TSPAN3: variants seen among roughly 807,000 people sequenced by gnomAD.
TSPAN3 encodes tetraspanin 3, also known as tetraspanin-3.
Under a neutral mutation model 31.1 loss-of-function variants are expected in TSPAN3, and 9 were observed. The ratio of observed to expected loss-of-function variants is 0.29; its 90% CI spans 0.17 to 0.50. The LOEUF (loss-of-function observed/expected upper bound fraction) is 0.50. Ranked by LOEUF, TSPAN3 falls within the 20% of genes least tolerant of loss-of-function variation. The pLI is 0.98. For synonymous variants in TSPAN3, 129 were observed against 114.3 expected, an observed-to-expected ratio of 1.13 and a Z score of -0.82; for missense variants, 252 against 313.5, an observed-to-expected ratio of 0.80 and a Z score of 1.48.
At chr15:77,066,950 C>T (rs1205620064) in intron 1 of TSPAN3, among the ~76,000 whole-genome samples, 8 of 152,042 alleles carry the variant, frequency 5.3e-5, no homozygotes, top group African/African-American at 1.9e-4. Context: ...TGAGGTGGCC[C>T]AGGACATCAC....
chr15:77,055,472 T>C (rs1047233194), intron 3 of TSPAN3: 2 of 209,870 alleles, frequency 9.5e-6, no homozygotes, highest in Non-Finnish European at 1.9e-5. Flanking sequence ...AAAGCAGAAA[T>C]CAGAAAATTA....
chr15:77,041,496 T>TGCCTCA lies in TSPAN3; in HGVS notation c.*5333_*5338dup. 1 of 151,786 alleles carries TGCCTCA rather than the reference T, an allele frequency of 6.6e-6. No homozygotes were observed. Among genetic ancestry groups the TGCCTCA allele is most frequent in the East Asian group, 1.9e-4 (1 of 5,148 alleles). The allele number at this position is 151,786 out of a possible 1,614,324, so 9.4% of individuals were successfully genotyped here. On this transcript the variant is annotated 3_prime_UTR_variant, in exon 7 of 7. Transcript: ENST00000267970. ...TGCCTCCCGGTTCAAGCGATTCTCC[T>TGCCTCA]GCCTCAGCCTCCCAAGTAGCTGGGA...
At chr15:77,055,085 A>G (rs548107752) in intron 3 of TSPAN3, 1 of 152,236 alleles carries the variant, frequency 6.6e-6, no homozygotes, top group South Asian at 2.1e-4. Context: ...CTGAAAATTA[A>G]CTTGGCATAT....
chr15:77,055,941 T>C (rs1443085860), intron 2 of TSPAN3, 78 bp from the exon 3 acceptor site: 3 of 1,527,902 alleles, frequency 2.0e-6, no homozygotes, highest in Non-Finnish European at 2.6e-6. Context: ...AAAAAAGTTA[T>C]CAGAGATAAT....
rs370870576 is a variant in TSPAN3 at position 77,070,983 on chromosome 15, C to T, written c.-29G>A. The T allele has an allele frequency of 1.4e-6, 2 of 1,411,044 alleles. No individual in the cohort carries two copies. Among genetic ancestry groups the T allele is most frequent in the Non-Finnish European group, 1.9e-6 (2 of 1,074,070 alleles). The allele number at this position is 1,411,044 out of a possible 1,614,324, so 87.4% of individuals were successfully genotyped here. A position where few individuals can be genotyped will look rare whatever the true frequency, so the allele number is the denominator to read the frequency against. ...GCCGGTGGCCCGCGAAGGCCCGGCC[C>T]GGAGAGCGGGGCTGCGCTCACCGAG... On this transcript the variant is annotated 5_prime_UTR_variant, in exon 1 of 7. Transcript: ENST00000267970.
intron 1 of TSPAN3, among the ~76,000 whole-genome samples, chr15:77,065,780 G>C (rs958648357): frequency 1.3e-5 from 2 of 152,288 alleles, no homozygotes; most frequent in African/African-American, 4.8e-5. Context: ...TTATATGTGT[G>C]AAGTATTTCA....
In TSPAN3 at chr15:77,052,449, A is replaced by C. The variant is rs1206565055; in HGVS notation, c.605T>G (p.Val202Gly). Residue 202 changes from valine to glycine, a missense_variant, in exon 6 of 7, where the codon GTG becomes GGG. Coordinates refer to ENST00000267970, the MANE Select transcript of TSPAN3 (RefSeq NM_005724.6). ...LYAEGCEALV[V>G]KKLQEIMMHV... is the part of the protein sequence containing the mutation. ...CATCATGATTTCTTGTAGCTTCTTCACTACTAGAGCCTCACACCCCTGTAA... is the reference window on the plus strand; with the variant it reads ...CATCATGATTTCTTGTAGCTTCTTCCCTACTAGAGCCTCACACCCCTGTAA... The C allele has an allele frequency of 6.2e-7, 1 of 1,614,140 alleles. No homozygotes were observed. Among genetic ancestry groups the C allele is most frequent in the South Asian group, 1.1e-5 (1 of 91,084 alleles).
intron 1 of TSPAN3, among the ~76,000 whole-genome samples, chr15:77,061,068 G>A (rs1256056060): frequency 1.3e-5 from 2 of 152,138 alleles, no homozygotes; most frequent in Non-Finnish European, 2.9e-5. Flanking sequence ...AGTTCCAAAA[G>A]TATGATACTT....
At chr15:77,067,786 G>A (rs2076842414) in intron 1 of TSPAN3, 1 of 152,128 alleles carries the variant, frequency 6.6e-6, no homozygotes, top group Non-Finnish European at 1.5e-5. Context: ...TGTAAATTCT[G>A]GTACAGTTTC....
At position 77,043,491 on chromosome 15, in the gene TSPAN3, G is replaced by T. The variant is rs1183506748; in HGVS notation, c.*3344C>A. 1 of 152,194 alleles carries T rather than the reference G, an allele frequency of 6.6e-6. No homozygotes were observed. The highest frequency in any genetic ancestry group is 1.5e-5 in the Non-Finnish European group (1 of 68,036). The allele number at this position is 152,194 out of a possible 1,614,324, so 9.4% of individuals were successfully genotyped here. A position where few individuals can be genotyped will look rare whatever the true frequency, so the allele number is the denominator to read the frequency against. On this transcript the variant is annotated 3_prime_UTR_variant, in exon 7 of 7. Transcript: ENST00000267970. ...GATGCGATGCCCTGAGAGGCCGCGTGACGCAGGTAGTGGTTCAGCCACCTG... is the reference window on the plus strand; with the variant it reads ...GATGCGATGCCCTGAGAGGCCGCGTTACGCAGGTAGTGGTTCAGCCACCTG...
rs563022946 is a variant in TSPAN3 at position 77,044,990 on chromosome 15, C to T, written c.*1845G>A. On this transcript the variant is annotated 3_prime_UTR_variant, in exon 7 of 7. Transcript: ENST00000267970. ...GGCCTCTGAAATCACATTCTGGTAA[C>T]TTCCACTTTGTGAAAAGGAGTTAGT... The T allele has an allele frequency of 6.6e-6, 1 of 152,314 alleles. No homozygotes were observed. Among genetic ancestry groups the T allele is most frequent in the East Asian group, 1.9e-4 (1 of 5,178 alleles). The allele number at this position is 152,314 out of a possible 1,614,324, so 9.4% of individuals were successfully genotyped here. A position where few individuals can be genotyped will look rare whatever the true frequency, so the allele number is the denominator to read the frequency against.
chr15:77,049,909 ATCT>A (rs2076718826), intron 6 of TSPAN3, among the ~76,000 whole-genome samples: 1 of 152,212 alleles, frequency 6.6e-6, no homozygotes, highest in Non-Finnish European at 1.5e-5. Context: ...TAGGAATTTA[ATCT>A]TCTGCAAATC....
chr15:77,046,358 A>C lies in TSPAN3; in HGVS notation c.*477T>G, dbSNP rs2076690905. On this transcript the variant is annotated 3_prime_UTR_variant, in exon 7 of 7. Transcript: ENST00000267970. Reference sequence around the variant, plus strand: ...TACAGCTGCTATCTTATTGGACTACAGTAAATATTTTTTAAAAGGACACCA... The same window carrying C: ...TACAGCTGCTATCTTATTGGACTACCGTAAATATTTTTTAAAAGGACACCA... 1 of 401,548 alleles carries C rather than the reference A, an allele frequency of 2.5e-6. No homozygotes were observed. The highest frequency in any genetic ancestry group is 4.4e-6 in the Non-Finnish European group (1 of 227,520). The allele number at this position is 401,548 out of a possible 1,614,324, so 24.9% of individuals were successfully genotyped here.
chr15:77,056,067 G>T lies in TSPAN3; in HGVS notation c.252C>A (p.Ala84=). The change falls in exon 2 of 7, where the codon GCC becomes GCA. Residue 84 remains alanine, a synonymous_variant. Transcript: ENST00000267970. ...ATGTTCTCACAACACATCTTACCGT[G>T]GCAAGTCCACAGCGACTTTCCCGGA... ...ATIRESRCGL[A]TFVIILLLVF... The T allele has an allele frequency of 1.2e-6, 2 of 1,605,136 alleles. No homozygotes were observed. Among genetic ancestry groups the T allele is most frequent in the African/African-American group, 1.3e-5 (1 of 74,722 alleles).
rs552920877 is a variant in TSPAN3, at chr15:77,045,923, G to A, written c.*912C>T. 6.6e-6 allele frequency: 1 copy of A among 152,454 alleles called. No individual in the cohort carries two copies. Among genetic ancestry groups the A allele is most frequent in the Non-Finnish European group, 1.5e-5 (1 of 68,210 alleles). 9.4% of individuals were successfully genotyped at this position (152,454 alleles called of 1,614,324 possible). A position where few individuals can be genotyped will look rare whatever the true frequency, so the allele number is the denominator to read the frequency against. On this transcript the variant is annotated 3_prime_UTR_variant, in exon 7 of 7. Transcript: ENST00000267970. ...TTTAGAATCTGGCAACAGCTATAAC[G>A]AAAACACACGTAAACCATGATGAAC...
In TSPAN3 at chr15:77,042,293, T is replaced by TA. The variant is rs372546895; in HGVS notation, c.*4541dup. The TA allele has an allele frequency of 1.1e-4, 16 of 152,100 alleles. No individual in the cohort carries two copies. The highest frequency in any genetic ancestry group is 3.6e-4 in the African/African-American group (15 of 41,404). The allele number at this position is 152,100 out of a possible 1,614,324, so 9.4% of individuals were successfully genotyped here. A position where few individuals can be genotyped will look rare whatever the true frequency, so the allele number is the denominator to read the frequency against. ...TTTTAAAGCACCAATTACTTTTGTTTAAAAAAATACACTTAAAAAAGGCAG... is the reference window on the plus strand; with the variant it reads ...TTTTAAAGCACCAATTACTTTTGTTTAAAAAAAATACACTTAAAAAAGGCAG... On this transcript the variant is annotated 3_prime_UTR_variant, in exon 7 of 7. Coordinates refer to ENST00000267970, the MANE Select transcript of TSPAN3 (RefSeq NM_005724.6).
At chr15:77,066,367 C>T (rs543107383) in intron 1 of TSPAN3, among the ~76,000 whole-genome samples, 4 of 152,022 alleles carry the variant, frequency 2.6e-5, no homozygotes, top group South Asian at 2.1e-4. Context: ...GTCAGGAGTT[C>T]GAGACCAGCC....
intron 1 of TSPAN3, chr15:77,064,597 C>A (rs1480007477): frequency 6.6e-6 from 1 of 152,234 alleles, no homozygotes; most frequent in East Asian, 1.9e-4. Flanking sequence ...TTACTCAGGG[C>A]CACAAGGCTC....
At chr15:77,070,588 G>C (rs1393460889) in intron 1 of TSPAN3, among the ~76,000 whole-genome samples, 2 of 152,036 alleles carry the variant, frequency 1.3e-5, no homozygotes, top group African/African-American at 4.8e-5. Flanking sequence ...ACTCCGGGGG[G>C]GGGAGACTGG....
Sources: gnomAD v4.1 joint callset for allele counts (sites outside exome capture counted in the v4.1 genomes callset) on GRCh38, gnomAD v4.1.1 for gene constraint, MANE v1.5 for transcripts, NCBI Gene and HGNC (gene_info 2026-07-23, HGNC 2026-07-21) for gene names.